Variants in CHIC2 observed in about 807,000 individuals in gnomAD.
CHIC2 encodes the protein cysteine rich hydrophobic domain 2, also known as cysteine-rich hydrophobic domain-containing protein 2.
CHIC2 carries 14 observed loss-of-function variants against 25.9 expected under a neutral mutation model. The observed-to-expected ratio is 0.54, with a 90% CI of 0.36 to 0.85. CHIC2 has a LOEUF of 0.85. Ranked by LOEUF, CHIC2 falls within the 40% of genes least tolerant of loss-of-function variation. The probability of loss-of-function intolerance (pLI) is 0.01; values close to 1 mark genes in which losing one functional copy is unlikely to be tolerated. For missense variants in CHIC2, 146 were observed against 202.0 expected (o/e 0.72, Z 1.68); for synonymous variants, 70 against 72.0 (o/e 0.97, Z 0.14).
intron 3 of CHIC2, among the ~76,000 whole-genome samples, chr4:54,027,751 C>T (rs1716104807): frequency 6.6e-6 from 1 of 152,130 alleles, no homozygotes; most frequent in South Asian, 2.1e-4. Context: ...GCACTCATTA[C>T]ATGTCATTCT....
the CHIC2 span, among the ~76,000 whole-genome samples, chr4:54,084,904 G>T: frequency 7.0e-6 from 1 of 142,322 alleles, no homozygotes; most frequent in Non-Finnish European, 1.5e-5. Flanking sequence ...AGGTTGCAAT[G>T]AGCCAAGGTT....
intron 3 of CHIC2, among the ~76,000 whole-genome samples, chr4:54,039,227 A>T (rs1577975189): frequency 6.6e-6 from 1 of 152,176 alleles, no homozygotes; most frequent in East Asian, 1.9e-4. Flanking sequence ...ATTTTTTTTT[A>T]AAGCGATGAA....
chr4:54,060,376 G>A (rs1234596033), intron 1 of CHIC2: 2 of 152,154 alleles, frequency 1.3e-5, no homozygotes, highest in East Asian at 1.9e-4. Context: ...CACCTCAGAA[G>A]AGAGTACATG....
At chr4:54,012,148 T>G (rs1366791080) in intron 5 of CHIC2, among the ~76,000 whole-genome samples, 1 of 151,950 alleles carries the variant, frequency 6.6e-6, no homozygotes, top group Non-Finnish European at 1.5e-5. Context: ...AGGTGGGTAT[T>G]GCTATGTTAC....
chr4:54,081,428 A>G, the CHIC2 span, among the ~76,000 whole-genome samples: 65 of 152,052 alleles, frequency 4.3e-4, no homozygotes, highest in African/African-American at 1.5e-3. Context: ...CACTTGATGA[A>G]TGATACTTAT....
chr4:54,030,551 T>TAC (rs1716195542), intron 3 of CHIC2, among the ~76,000 whole-genome samples: 1 of 106,814 alleles, frequency 9.4e-6, no homozygotes, highest in Non-Finnish European at 1.9e-5. Flanking sequence ...TATATATATA[T>TAC]GTATACACAC....
At chr4:54,049,757 G>T (rs1716945562) in intron 1 of CHIC2, among the ~76,000 whole-genome samples, 1 of 152,224 alleles carries the variant, frequency 6.6e-6, no homozygotes, top group Non-Finnish European at 1.5e-5. Context: ...GAAAAAGAGT[G>T]AGGAGGGGAA....
At chr4:54,057,152 T>C (rs1717201665) in intron 1 of CHIC2, among the ~76,000 whole-genome samples, 1 of 152,164 alleles carries the variant, frequency 6.6e-6, no homozygotes, top group Non-Finnish European at 1.5e-5. Context: ...TGCTATGTAT[T>C]TCCATACCTC....
At position 54,041,874 on chromosome 4, in the gene CHIC2, G is replaced by A. The variant is rs1577976775; in HGVS notation, c.330+7081C>T. ...GGGACCTGTCAGGGGTTGGGGGCTAGGGGAGGGATAGCATTAGGAGAAATG... is the reference window on the plus strand; with the variant it reads ...GGGACCTGTCAGGGGTTGGGGGCTAAGGGAGGGATAGCATTAGGAGAAATG... On this transcript the variant is annotated intron_variant, in intron 3 of 5. Coordinates refer to ENST00000263921, the MANE Select transcript of CHIC2 (RefSeq NM_012110.4). Among the ~76,000 whole-genome samples the A allele has an allele frequency of 4.6e-5, 7 of 152,228 alleles. No homozygotes were observed. In the South Asian group the frequency reaches 1.5e-3, roughly 32 times the overall value.
the CHIC2 span, among the ~76,000 whole-genome samples, chr4:54,073,663 C>T: frequency 4.7e-4 from 71 of 152,224 alleles, no homozygotes; most frequent in Admixed American, 9.8e-4. Context: ...AATTCCTAAC[C>T]TCCAGAAACT....
intron 3 of CHIC2, among the ~76,000 whole-genome samples, chr4:54,020,573 C>G (rs1715868414): frequency 6.6e-6 from 1 of 152,156 alleles, no homozygotes; most frequent in South Asian, 2.1e-4. Context: ...GTCCTCGCCT[C>G]ACTCCATGAG....
At chr4:54,026,201 G>C (rs917218920) in intron 3 of CHIC2, among the ~76,000 whole-genome samples, 5 of 152,020 alleles carry the variant, frequency 3.3e-5, no homozygotes, top group African/African-American at 1.2e-4. Context: ...TCATGCTATA[G>C]AACTATTATA....
intron 3 of CHIC2, among the ~76,000 whole-genome samples, chr4:54,047,890 AT>A (rs1247012031): frequency 1.3e-5 from 2 of 151,950 alleles, no homozygotes; most frequent in Non-Finnish European, 2.9e-5. Flanking sequence ...TTAAAGTATC[AT>A]TTTTATACAT....
At chr4:54,073,963 T>A in the CHIC2 span, among the ~76,000 whole-genome samples, 7 of 152,174 alleles carry the variant, frequency 4.6e-5, no homozygotes, top group Non-Finnish European at 8.8e-5. Flanking sequence ...GAGACCATCC[T>A]GGCCAACTTG....
the CHIC2 span, among the ~76,000 whole-genome samples, chr4:54,084,945 G>A: frequency 1.2e-5 from 1 of 86,056 alleles, no homozygotes; most frequent in Admixed American, 1.2e-4. Context: ...GGGAGACACA[G>A]CCTTGCTCTG....
the CHIC2 span, among the ~76,000 whole-genome samples, chr4:54,084,134 C>A: frequency 6.6e-6 from 1 of 152,174 alleles, no homozygotes; most frequent in Non-Finnish European, 1.5e-5. Context: ...CACACACTTA[C>A]TTGAATTCAT....
intron 1 of CHIC2, among the ~76,000 whole-genome samples, chr4:54,053,785 A>T (rs2110088911): frequency 6.6e-6 from 1 of 152,006 alleles, no homozygotes; most frequent in Non-Finnish European, 1.5e-5. Context: ...TAAATAATTG[A>T]CGAGTATTTT....
the CHIC2 span, chr4:54,087,303 A>T: frequency 5.2e-6 from 3 of 577,600 alleles, no homozygotes; most frequent in East Asian, 8.8e-5. Flanking sequence ...ATGCCTGAAG[A>T]ATCGAAACCA....
At chr4:54,025,874 G>T (rs1716043667) in intron 3 of CHIC2, among the ~76,000 whole-genome samples, 1 of 148,266 alleles carries the variant, frequency 6.7e-6, no homozygotes, top group Non-Finnish European at 1.5e-5. Context: ...AAAAAAATAG[G>T]AATTGTTTTA....
Sources: allele counts gnomAD v4.1 joint callset (sites outside exome capture counted in the v4.1 genomes callset), GRCh38; gene constraint gnomAD v4.1.1; transcripts MANE v1.5; gene names NCBI Gene and HGNC (gene_info 2026-07-23, HGNC 2026-07-21).